The following TRDN variants were observed in gnomAD, a reference collection of about 807,000 sequenced individuals.
TRDN encodes the protein triadin in skeletal muscle.
In TRDN, 161 loss-of-function variants were observed where a neutral mutation model predicts 149.7. That is an observed-to-expected ratio of 1.08 (90% CI 0.95 to 1.23). The LOEUF is 1.23. Ranked by LOEUF, TRDN falls within the 50% of genes most tolerant of loss-of-function variation. The probability of loss-of-function intolerance (pLI) is 0.00; values close to 1 mark genes in which losing one functional copy is unlikely to be tolerated. For synonymous variants in TRDN, 294 were observed against 250.5 expected (o/e 1.17, Z -1.64); for missense variants, 896 against 823.5 (o/e 1.09, Z -1.08).
intron 38 of TRDN, among the ~76,000 whole-genome samples, chr6:123,226,497 G>A (rs919316073): frequency 6.6e-6 from 1 of 151,834 alleles, no homozygotes; most frequent in Non-Finnish European, 1.5e-5. Flanking sequence ...AAGGAATAAA[G>A]ACCTCAGTGT....
At chr6:123,603,344 TCA>T (rs1784365672) in intron 1 of TRDN, among the ~76,000 whole-genome samples, 1 of 152,088 alleles carries the variant, frequency 6.6e-6, no homozygotes, top group South Asian at 2.1e-4. Flanking sequence ...TAAATTATGT[TCA>T]GAGTTATCTC....
chr6:123,356,640 T>G (rs1364741914), intron 20 of TRDN, among the ~76,000 whole-genome samples: 11 of 149,270 alleles, frequency 7.4e-5, no homozygotes, highest in African/African-American at 2.7e-4. Flanking sequence ...CTGGAAAATT[T>G]GATGTAAGAT....
rs958099063 is a variant in TRDN at position 123,216,359 on chromosome 6, T to C, written c.*2242A>G. 7 of 151,970 alleles carry C rather than the reference T, an allele frequency of 4.6e-5. No individual in the cohort carries two copies. The highest frequency in any genetic ancestry group is 1.0e-4 in the Non-Finnish European group (7 of 67,938). The allele number at this position is 151,970 out of a possible 1,614,324, so 9.4% of individuals were successfully genotyped here. On this transcript the variant is annotated 3_prime_UTR_variant, in exon 41 of 41. Coordinates refer to ENST00000334268, the MANE Select transcript of TRDN (RefSeq NM_006073.4). ...CAAACTTGGAAGATCTATAACTATT[T>C]TATTAGACGGTAATATATAAACAAA... is the stretch of plus-strand genomic sequence containing the variant.
intron 6 of TRDN, among the ~76,000 whole-genome samples, chr6:123,515,436 A>G (rs1412679698): frequency 6.6e-6 from 1 of 151,996 alleles, no homozygotes; most frequent in Non-Finnish European, 1.5e-5. Context: ...TCATTTAAAC[A>G]CTATGCAGCT....
intron 35 of TRDN, among the ~76,000 whole-genome samples, chr6:123,258,873 T>C (rs1207571809): frequency 6.6e-6 from 1 of 152,180 alleles, no homozygotes; most frequent in Non-Finnish European, 1.5e-5. Context: ...TGGGAGGGTG[T>C]GTGTATCCAG....
intron 23 of TRDN, among the ~76,000 whole-genome samples, chr6:123,323,818 C>T (rs1169001060): frequency 6.6e-6 from 1 of 152,210 alleles, no homozygotes; most frequent in Non-Finnish European, 1.5e-5. Flanking sequence ...GATAGTGTCA[C>T]TCTGCTTTTA....
chr6:123,389,801 C>T (rs1782039388), intron 13 of TRDN, among the ~76,000 whole-genome samples: 1 of 151,932 alleles, frequency 6.6e-6, no homozygotes, highest in Admixed American at 6.6e-5. Flanking sequence ...TTTATATTTA[C>T]AATGTTTTTA....
At chr6:123,363,301 A>G (rs1057360922) in intron 20 of TRDN, among the ~76,000 whole-genome samples, 3 of 152,208 alleles carry the variant, frequency 2.0e-5, no homozygotes, top group African/African-American at 7.2e-5. Flanking sequence ...ATACATGATG[A>G]GAACAATATA....
intron 27 of TRDN, 52 bp downstream of exon 27, chr6:123,274,589 A>C (rs1777309412): frequency 2.0e-6 from 3 of 1,516,790 alleles, no homozygotes; most frequent in Admixed American, 3.7e-5. Flanking sequence ...AGTACTTAAT[A>C]AAATAAAGAT....
chr6:123,625,007 A>T (rs1331137058), intron 1 of TRDN, among the ~76,000 whole-genome samples: 1 of 151,848 alleles, frequency 6.6e-6, no homozygotes, highest in Non-Finnish European at 1.5e-5. Flanking sequence ...GTAAGTTGGT[A>T]TCCCAGTCAT....
chr6:123,230,531 TATA>T (rs72156427), intron 38 of TRDN, among the ~76,000 whole-genome samples: 123,290 of 148,738 alleles, frequency 0.83, 51,776 homozygotes, highest in African/African-American at 0.94. Flanking sequence ...GAACTTAAAG[TATA>T]ATAATAATAA....
chr6:123,553,845 T>G (rs1252830739), intron 2 of TRDN, among the ~76,000 whole-genome samples: 1 of 152,258 alleles, frequency 6.6e-6, no homozygotes, highest in Non-Finnish European at 1.5e-5. Context: ...TCCCACAACA[T>G]GTGGGAATCA....
intron 1 of TRDN, among the ~76,000 whole-genome samples, chr6:123,590,433 GTTGTATAA>G (rs1427303516): frequency 6.6e-6 from 1 of 152,146 alleles, no homozygotes; most frequent in African/African-American, 2.4e-5. Flanking sequence ...ATTATGGTGA[GTTGTATAA>G]TTATTTTATT....
chr6:123,629,661 T>A (rs1348176634), intron 1 of TRDN, among the ~76,000 whole-genome samples: 1 of 152,122 alleles, frequency 6.6e-6, no homozygotes, highest in Non-Finnish European at 1.5e-5. Context: ...ATATTTAAAG[T>A]ACATTGTAAG....
intron 10 of TRDN, 48 bp downstream of exon 10, chr6:123,464,858 T>C: frequency 2.6e-6 from 4 of 1,546,290 alleles, no homozygotes; most frequent in Non-Finnish European, 3.5e-6. Flanking sequence ...TCCTCTACAT[T>C]CTATTTTATC....
rs9385304 is a variant in TRDN, at chr6:123,572,501, G to C, written c.23-1369C>G. Among the ~76,000 whole-genome samples the C allele has an allele frequency of 1.2e-3, 189 of 151,954 alleles. 1 individual carries two copies. The Middle Eastern group carries it at 0.014, about 11-fold the overall frequency. The stretch of plus-strand genomic sequence containing the variant: ...TCATTATCTGGGCTACACTTGACTC[G>C]TAGAAAGTTAAATCTAGAAGTAACT... On this transcript the variant is annotated intron_variant, in intron 1 of 40. Coordinates refer to ENST00000334268, the MANE Select transcript of TRDN (RefSeq NM_006073.4).
At chr6:123,322,421 G>A (rs1480605323) in intron 23 of TRDN, among the ~76,000 whole-genome samples, 1 of 151,866 alleles carries the variant, frequency 6.6e-6, no homozygotes, top group African/African-American at 2.4e-5. Flanking sequence ...TTTTGAAATG[G>A]AAACATTATA....
At chr6:123,433,163 A>T (rs1056174428) in intron 12 of TRDN, among the ~76,000 whole-genome samples, 5,401 of 15,508 alleles carry the variant, frequency 0.35, 357 homozygotes, top group African/African-American at 0.5. Flanking sequence ...TATATATATA[A>T]TATATATATA....
intron 13 of TRDN, among the ~76,000 whole-genome samples, chr6:123,393,333 A>G (rs552372345): frequency 9.2e-5 from 14 of 152,240 alleles, no homozygotes; most frequent in African/African-American, 3.1e-4. Context: ...CTTTATGCAC[A>G]TCAATGGATT....
Sources: gnomAD v4.1 joint callset for allele counts (sites outside exome capture counted in the v4.1 genomes callset) on GRCh38, gnomAD v4.1.1 for gene constraint, MANE v1.5 for transcripts, NCBI Gene and HGNC (gene_info 2026-07-23, HGNC 2026-07-21) for gene names.